Variants in YEATS2 observed in about 807,000 individuals in gnomAD.
YEATS2 encodes the protein YEATS domain containing 2, also known as YEATS domain-containing protein 2.
Under a neutral mutation model 163.2 loss-of-function variants are expected in YEATS2, and 77 were observed. That is an observed-to-expected ratio of 0.47 (90% CI 0.39 to 0.57). YEATS2 has a LOEUF of 0.57. YEATS2 is among the 20% of genes least tolerant of loss of function. The pLI is 0.00. For synonymous variants in YEATS2, 631 were observed against 645.1 expected (o/e 0.98, Z 0.33); for missense variants, 1,549 against 1,729.8 (o/e 0.90, Z 1.85).
At chr3:183,736,126 C>G (rs1718316029) in intron 7 of YEATS2, among the ~76,000 whole-genome samples, 1 of 152,110 alleles carries the variant, frequency 6.6e-6, no homozygotes, top group Non-Finnish European at 1.5e-5. Flanking sequence ...TCTTCCTTCA[C>G]AAATTACATT....
At chr3:183,767,404 G>A (rs1397624733) in intron 15 of YEATS2, among the ~76,000 whole-genome samples, 3 of 148,134 alleles carry the variant, frequency 2.0e-5, no homozygotes, top group African/African-American at 7.5e-5. Context: ...TTTTTGAGCT[G>A]GAGTCTTGCA....
At chr3:183,738,294 G>A (rs1045990547) in intron 8 of YEATS2, among the ~76,000 whole-genome samples, 1 of 151,494 alleles carries the variant, frequency 6.6e-6, no homozygotes, top group Non-Finnish European at 1.5e-5. Context: ...AGCTAGAAAG[G>A]ATTAAGCTTA....
chr3:183,727,753 C>T (rs540820391), intron 6 of YEATS2, among the ~76,000 whole-genome samples: 120 of 152,228 alleles, frequency 7.9e-4, no homozygotes, highest in African/African-American at 2.7e-3. Context: ...GGAAATGGCA[C>T]GTTTTGGCTT....
chr3:183,779,597 C>G (rs1723352271), intron 19 of YEATS2, among the ~76,000 whole-genome samples: 1 of 152,200 alleles, frequency 6.6e-6, no homozygotes, highest in Non-Finnish European at 1.5e-5. Context: ...AGGGTAGGAG[C>G]AACCGTGCTT....
intron 1 of YEATS2, among the ~76,000 whole-genome samples, chr3:183,698,551 T>C (rs1713731677): frequency 6.6e-6 from 1 of 152,318 alleles, no homozygotes; most frequent in East Asian, 1.9e-4. Flanking sequence ...CTTGAAGGGC[T>C]GTGGCCAGAC....
intron 7 of YEATS2, among the ~76,000 whole-genome samples, chr3:183,729,890 A>G (rs757078406): frequency 1.3e-5 from 2 of 151,602 alleles, no homozygotes; most frequent in African/African-American, 4.8e-5. Context: ...GGCTTTCACC[A>G]TGTTGGCCAG....
chr3:183,749,607 G>C (rs899044766), intron 9 of YEATS2, among the ~76,000 whole-genome samples: 2 of 152,088 alleles, frequency 1.3e-5, no homozygotes, highest in African/African-American at 4.8e-5. Context: ...TGTAGCGTAT[G>C]TCAGAATTTC....
chr3:183,752,917 C>T (rs1406732375), intron 10 of YEATS2, among the ~76,000 whole-genome samples: 1 of 151,714 alleles, frequency 6.6e-6, no homozygotes, highest in Non-Finnish European at 1.5e-5. Context: ...CCTGCCTCAG[C>T]CTCCCTGTTA....
chr3:183,744,070 C>CCTGTTACTT (rs745633438), intron 8 of YEATS2, among the ~76,000 whole-genome samples: 16 of 147,310 alleles, frequency 1.1e-4, no homozygotes, highest in South Asian at 2.2e-4. Flanking sequence ...AGAGTACTGT[C>CCTGTTACTT]CTGTTACTTA....
At chr3:183,771,428 C>T (rs1056456452) in intron 15 of YEATS2, among the ~76,000 whole-genome samples, 1 of 150,596 alleles carries the variant, frequency 6.6e-6, no homozygotes, top group South Asian at 2.1e-4. Flanking sequence ...TTTAAAAACA[C>T]TCCTGAGTAT....
At position 183,706,036 on chromosome 3, in the gene YEATS2, C is replaced by CA. The variant is rs397876299; in HGVS notation, c.-20+8059dup. On this transcript the variant is annotated intron_variant, in intron 1 of 30. Transcript: ENST00000305135. ...CCTGGGTGACAGAGCAAGACTGTTT[C>CA]AAAAAAAAAAAAAAAATCCTTCATT... 6.1e-3 allele frequency among the ~76,000 whole-genome samples: 686 copies of CA among 112,430 alleles called. 6 individuals are homozygous for CA. The highest frequency in any genetic ancestry group is 0.013 in the African/African-American group (408 of 30,344). The allele number at this position is 112,430 out of a possible 152,430, so 73.8% of individuals were successfully genotyped here. A position where few individuals can be genotyped will look rare whatever the true frequency, so the allele number is the denominator to read the frequency against.
At chr3:183,713,187 T>C (rs1481984769) in intron 1 of YEATS2, among the ~76,000 whole-genome samples, 5 of 152,236 alleles carry the variant, frequency 3.3e-5, no homozygotes, top group Admixed American at 3.3e-4. Context: ...TCAATTACAT[T>C]GTTGGGGTGA....
At chr3:183,720,373 C>T (rs764830743) in intron 4 of YEATS2, among the ~76,000 whole-genome samples, 3 of 152,254 alleles carry the variant, frequency 2.0e-5, no homozygotes, top group South Asian at 2.1e-4. Flanking sequence ...GCATAACTTT[C>T]GTTTTTTTCT....
chr3:183,746,126 G>A (rs931722599), intron 8 of YEATS2, among the ~76,000 whole-genome samples: 2 of 152,062 alleles, frequency 1.3e-5, no homozygotes, highest in East Asian at 1.9e-4. Context: ...GCAGTGGGGC[G>A]ATCATGGCTC....
intron 20 of YEATS2, 51 bp from the exon 21 acceptor site, chr3:183,790,746 C>T (rs753436543): frequency 5.4e-5 from 85 of 1,585,146 alleles, no homozygotes; most frequent in Non-Finnish European, 7.2e-5. Context: ...CGTCAGTCAT[C>T]ACTCTGCTTT....
chr3:183,700,598 C>CTTT (rs748017835), intron 1 of YEATS2, among the ~76,000 whole-genome samples: 5 of 126,598 alleles, frequency 3.9e-5, no homozygotes, highest in Admixed American at 8.6e-5. Flanking sequence ...TCTTTTCTTT[C>CTTT]TTTTTTTTTT....
intron 21 of YEATS2, among the ~76,000 whole-genome samples, 191 bp downstream of exon 21, chr3:183,791,171 C>G (rs774438178): frequency 4.4e-4 from 67 of 152,234 alleles, no homozygotes; most frequent in Middle Eastern, 6.8e-3. Flanking sequence ...TTATCAGGGA[C>G]CACAGGCACA....
intron 1 of YEATS2, among the ~76,000 whole-genome samples, chr3:183,702,291 A>G (rs1433609124): frequency 1.3e-5 from 2 of 151,984 alleles, no homozygotes; most frequent in Non-Finnish European, 2.9e-5. Context: ...CTAAAAATAC[A>G]AAAATGAGCC....
chr3:183,742,238 AAAAAAT>A (rs1461811818), intron 8 of YEATS2, among the ~76,000 whole-genome samples: 1 of 152,084 alleles, frequency 6.6e-6, no homozygotes, highest in East Asian at 1.9e-4. Flanking sequence ...AAAAAAAGGA[AAAAAAT>A]ATATTTTGTA....
Sources: gnomAD v4.1 joint callset for allele counts (sites outside exome capture counted in the v4.1 genomes callset) on GRCh38, gnomAD v4.1.1 for gene constraint, MANE v1.5 for transcripts, NCBI Gene and HGNC (gene_info 2026-07-23, HGNC 2026-07-21) for gene names.